Variants in DOCK1 observed in about 807,000 individuals in gnomAD.
The protein encoded by DOCK1 is dedicator of cytokinesis 1, also known as dedicator of cytokinesis protein 1.
In DOCK1, 138 loss-of-function variants were observed where a neutral mutation model predicts 262.7. The observed-to-expected ratio is 0.53, with a 90% confidence interval of 0.46 to 0.61. DOCK1 has a LOEUF of 0.61. Ranked by LOEUF, DOCK1 falls within the 20% of genes least tolerant of loss-of-function variation. DOCK1 has a pLI of 0.00. For synonymous variants in DOCK1, 866 were observed against 867.4 expected (o/e 1.00, Z 0.03); for missense variants, 1,908 against 2,370.7 (o/e 0.80, Z 4.05).
At chr10:126,955,024 C>T (rs2036618118) in intron 1 of DOCK1, among the ~76,000 whole-genome samples, 1 of 152,198 alleles carries the variant, frequency 6.6e-6, no homozygotes, top group East Asian at 1.9e-4. Flanking sequence ...ATTCCTGTGA[C>T]CAGTGCACAA....
intron 27 of DOCK1, among the ~76,000 whole-genome samples, chr10:127,224,407 C>CA (rs890185886): frequency 2.0e-5 from 3 of 151,822 alleles, no homozygotes; most frequent in African/African-American, 4.8e-5. Context: ...AATAAAAATA[C>CA]AAAAAATAGC....
intron 38 of DOCK1, among the ~76,000 whole-genome samples, chr10:127,399,297 A>T (rs574827408): frequency 2.6e-5 from 4 of 152,312 alleles, no homozygotes; most frequent in Admixed American, 6.5e-5. Context: ...CGCAGAGGTT[A>T]AAGTGATTCT....
At chr10:127,250,957 A>G (rs1269068448) in intron 28 of DOCK1, among the ~76,000 whole-genome samples, 1 of 151,814 alleles carries the variant, frequency 6.6e-6, no homozygotes, top group Admixed American at 6.6e-5. Flanking sequence ...CTGTTTTTCA[A>G]CTCTGACAAC....
intron 47 of DOCK1, among the ~76,000 whole-genome samples, chr10:127,433,012 G>A (rs780872709): frequency 6.6e-6 from 1 of 152,206 alleles, no homozygotes; most frequent in Non-Finnish European, 1.5e-5. Flanking sequence ...ATGTGTTGAC[G>A]CATCGCGGTC....
chr10:126,921,249 C>T (rs1038411266), intron 1 of DOCK1, among the ~76,000 whole-genome samples: 4 of 149,918 alleles, frequency 2.7e-5, no homozygotes, highest in East Asian at 2.0e-4. Flanking sequence ...TACAATTGTT[C>T]GTAGCAGCAT....
At chr10:127,421,927 G>A (rs1034974906) in intron 46 of DOCK1, among the ~76,000 whole-genome samples, 1 of 152,176 alleles carries the variant, frequency 6.6e-6, no homozygotes, top group Non-Finnish European at 1.5e-5. Flanking sequence ...GAACAATGCT[G>A]CTGTGAATGT....
chr10:127,171,613 G>C (rs543322012), intron 27 of DOCK1, among the ~76,000 whole-genome samples: 2 of 152,312 alleles, frequency 1.3e-5, no homozygotes, highest in African/African-American at 4.8e-5. Flanking sequence ...GTGGCAAGTG[G>C]GGAGAGGAAC....
chr10:127,169,065 G>T (rs931978940), intron 27 of DOCK1, among the ~76,000 whole-genome samples: 2 of 152,096 alleles, frequency 1.3e-5, no homozygotes, highest in South Asian at 4.1e-4. Context: ...CTAGGTTAAC[G>T]CAAGTCACAT....
In DOCK1 at chr10:127,364,328, A is replaced by G. The variant is rs111381105; in HGVS notation, c.3432+2116A>G. ...CCTAACACCTGGCTCGGAGATCATT[A>G]TTTGTTTTTTGCACTTTGCTCCACT... On this transcript the variant is annotated intron_variant, in intron 33 of 51. Transcript: ENST00000623213. 2.0e-3 allele frequency among the ~76,000 whole-genome samples: 306 copies of G among 151,908 alleles called. 2 individuals are homozygous for G. The highest frequency in any genetic ancestry group is 7.0e-3 in the African/African-American group (289 of 41,454).
chr10:127,132,381 G>T (rs1034018809), intron 27 of DOCK1, among the ~76,000 whole-genome samples: 38 of 152,200 alleles, frequency 2.5e-4, no homozygotes, highest in African/African-American at 8.9e-4. Flanking sequence ...CCTAGCACAT[G>T]CCCAGAGACA....
At chr10:127,103,681 G>A (rs577832668) in intron 23 of DOCK1, among the ~76,000 whole-genome samples, 1 of 152,204 alleles carries the variant, frequency 6.6e-6, no homozygotes, top group Non-Finnish European at 1.5e-5. Flanking sequence ...TGGATTACGA[G>A]TAAGTGGGCT....
intron 11 of DOCK1, among the ~76,000 whole-genome samples, chr10:127,010,930 T>TCAAAAA (rs10634495): frequency 0.051 from 7,778 of 151,966 alleles, 555 homozygotes; most frequent in African/African-American, 0.16. Context: ...CTGTGAAAAG[T>TCAAAAA]CAAAAACAAA....
At position 127,297,285 on chromosome 10, in the gene DOCK1, G is replaced by A. The variant is rs536621337; in HGVS notation, c.3044+39856G>A. 5.3e-5 allele frequency among the ~76,000 whole-genome samples: 8 copies of A among 152,278 alleles called. No homozygotes were observed. The East Asian group carries it at 1.5e-3, about 29-fold the overall frequency. ...AGGGCAGTAGGATAAGCTAACCTGTGGGAATGTGGAGGGACGAATCCATAG... is the reference window on the plus strand; with the variant it reads ...AGGGCAGTAGGATAAGCTAACCTGTAGGAATGTGGAGGGACGAATCCATAG... On this transcript the variant is annotated intron_variant, in intron 29 of 51. Coordinates refer to ENST00000623213, the MANE Select transcript of DOCK1 (RefSeq NM_001290223.2).
chr10:127,346,713 T>C (rs894833278), intron 31 of DOCK1, among the ~76,000 whole-genome samples: 1 of 152,170 alleles, frequency 6.6e-6, no homozygotes, highest in Non-Finnish European at 1.5e-5. Flanking sequence ...CCACGGAAAA[T>C]TACACACAGC....
intron 27 of DOCK1, among the ~76,000 whole-genome samples, chr10:127,168,100 C>T (rs2054244904): frequency 6.6e-6 from 1 of 152,094 alleles, no homozygotes; most frequent in Non-Finnish European, 1.5e-5. Context: ...GGTTAATAAG[C>T]CTGTGCACGC....
At position 127,018,803 on chromosome 10, in the gene DOCK1, G is replaced by A. The variant is rs774786886; in HGVS notation, c.1295G>A (p.Arg432Gln). ...HLVDRTTAVA[R>Q]KTGFPEIIMP... ...GTGGACAGGACCACAGCTGTGGCTC[G>A]AAAAACAGGGTTTCCGGAGATAATC... is the stretch of plus-strand genomic sequence containing the variant. The change falls in exon 13 of 52, where the codon CGA becomes CAA. Residue 432 changes from arginine to glutamine, a missense_variant. This residue lies in a region of DOCK1 where 294 missense variants were observed against 439.9 expected (regional missense o/e 0.67). Transcript: ENST00000623213. The A allele has an allele frequency of 3.1e-6, 5 of 1,610,826 alleles. No homozygotes were observed. The highest frequency in any genetic ancestry group is 8.5e-7 in the Non-Finnish European group (1 of 1,179,086).
intron 27 of DOCK1, among the ~76,000 whole-genome samples, chr10:127,233,216 T>C (rs1321422574): frequency 6.6e-6 from 1 of 152,218 alleles, no homozygotes; most frequent in East Asian, 1.9e-4. Context: ...ACCAGTATGA[T>C]CAATGCTAAG....
chr10:127,031,626 A>T, intron 16 of DOCK1, 24 bp from the exon 17 acceptor site: 2 of 1,571,718 alleles, frequency 1.3e-6, no homozygotes, highest in East Asian at 2.2e-5. Context: ...GCAATCATCA[A>T]TTTTTTTGTT....
chr10:127,431,625 T>G (rs2069295969), intron 47 of DOCK1, among the ~76,000 whole-genome samples: 1 of 152,226 alleles, frequency 6.6e-6, no homozygotes, highest in Non-Finnish European at 1.5e-5. Flanking sequence ...AACCCCTCTC[T>G]GCTGGCAAAT....
Sources: allele counts gnomAD v4.1 joint callset (sites outside exome capture counted in the v4.1 genomes callset), GRCh38; gene constraint gnomAD v4.1.1; regional missense constraint gnomAD v4.1.1; transcripts MANE v1.5; gene names NCBI Gene and HGNC (gene_info 2026-07-23, HGNC 2026-07-21).